The following TENM4 variants were observed in gnomAD, a reference collection of about 807,000 sequenced individuals.
The protein encoded by TENM4 is teneurin-4.
A neutral mutation model predicts 243.3 loss-of-function variants in TENM4; 82 were observed. The ratio of observed to expected loss-of-function variants is 0.34; its 90% CI spans 0.28 to 0.40. TENM4 has a LOEUF of 0.40. Among genes scored for constraint, TENM4 ranks in the 10% least tolerant of loss-of-function variants. The pLI, the probability that TENM4 is intolerant of heterozygous loss-of-function variation, is 1.00. For missense variants in TENM4, 3,138 were observed against 3,673.3 expected (o/e 0.85, Z 3.77); for synonymous variants, 1,412 against 1,456.3 (o/e 0.97, Z 0.69).
At chr11:79,416,830 TTCTA>T (rs1254929351) in intron 1 of TENM4, among the ~76,000 whole-genome samples, 1 of 152,096 alleles carries the variant, frequency 6.6e-6, no homozygotes, top group Non-Finnish European at 1.5e-5. Flanking sequence ...AGCTTGCGTC[TTCTA>T]TCTCAGGTAC....
In TENM4 at chr11:78,708,681, C is replaced by T. The variant is rs78610397; in HGVS notation, c.4055-166G>A. On this transcript the variant is annotated intron_variant, in intron 26 of 33. Coordinates refer to ENST00000278550, the MANE Select transcript of TENM4 (RefSeq NM_001098816.3). ...AGAGGAGGAGTCTCAGGCTCAGAGG[C>T]CTTGAGTGACTTGTTCAAAGCAGGG... Among the ~76,000 whole-genome samples, 1,208 of 152,252 alleles carry T rather than the reference C, an allele frequency of 7.9e-3. 13 individuals carry two copies. The highest frequency in any genetic ancestry group is 0.027 in the African/African-American group (1,135 of 41,550).
At chr11:79,111,370 C>A (rs1042454761) in intron 4 of TENM4, among the ~76,000 whole-genome samples, 1 of 151,992 alleles carries the variant, frequency 6.6e-6, no homozygotes, top group Non-Finnish European at 1.5e-5. Context: ...ACGGTGAAAC[C>A]GCATCTCTAC....
At chr11:78,770,907 C>T in intron 18 of TENM4, 85 bp downstream of exon 18, 1 of 1,504,628 alleles carries the variant, frequency 6.6e-7, no homozygotes, top group African/African-American at 1.4e-5. Flanking sequence ...GTGTTGGTGG[C>T]CTGTTAGCTC....
chr11:78,804,660 A>C (rs1857352257), intron 15 of TENM4, among the ~76,000 whole-genome samples: 1 of 152,216 alleles, frequency 6.6e-6, no homozygotes, highest in Admixed American at 6.5e-5. Context: ...GCCACAATCA[A>C]GAACACATTC....
At chr11:79,164,462 T>C (rs1591326456) in intron 3 of TENM4, among the ~76,000 whole-genome samples, 2 of 131,278 alleles carry the variant, frequency 1.5e-5, no homozygotes, top group South Asian at 2.6e-4. Flanking sequence ...ATATAGTATA[T>C]ATATAGTGTA....
intron 25 of TENM4, among the ~76,000 whole-genome samples, chr11:78,718,019 A>G (rs942822934): frequency 2.0e-5 from 3 of 152,224 alleles, no homozygotes; most frequent in African/African-American, 4.8e-5. Flanking sequence ...AAAGGCAGAC[A>G]TGAGTCTGCT....
chr11:79,226,650 C>T (rs1864271927), intron 2 of TENM4, among the ~76,000 whole-genome samples: 1 of 152,156 alleles, frequency 6.6e-6, no homozygotes, highest in East Asian at 1.9e-4. Context: ...AAGATCCTAG[C>T]TCTTCTCTGA....
intron 3 of TENM4, chr11:79,192,930 A>G (rs1227690900): frequency 6.6e-6 from 1 of 152,282 alleles, no homozygotes; most frequent in Non-Finnish European, 1.5e-5. Context: ...CTCTGTTCCC[A>G]GCAAGGTTGT....
In TENM4 at chr11:78,976,647, C is replaced by A. The variant is rs189967635; in HGVS notation, c.494-73124G>T. 3.3e-3 allele frequency among the ~76,000 whole-genome samples: 509 copies of A among 152,314 alleles called. 4 individuals are homozygous for A. The highest frequency in any genetic ancestry group is 0.013 in the South Asian group (64 of 4,834). On this transcript the variant is annotated intron_variant, in intron 6 of 33. Coordinates refer to ENST00000278550, the MANE Select transcript of TENM4 (RefSeq NM_001098816.3). ...AGTTCTAGAAATTCCTCTACTGTCA[C>A]TCCAAGAAATCTTGAAAATCGAGGA...
At chr11:79,087,867 G>A (rs1422598255) in intron 4 of TENM4, among the ~76,000 whole-genome samples, 5 of 152,224 alleles carry the variant, frequency 3.3e-5, no homozygotes, top group African/African-American at 1.2e-4. Flanking sequence ...ACAGCCTCCA[G>A]GCTGCACACG....
chr11:79,154,536 C>T (rs777895071), intron 3 of TENM4, among the ~76,000 whole-genome samples: 2 of 152,080 alleles, frequency 1.3e-5, no homozygotes, highest in Non-Finnish European at 2.9e-5. Context: ...TCTACTTTGT[C>T]CCCTGACCCC....
chr11:78,903,507 C>T lies in TENM4; in HGVS notation c.510G>A (p.Leu170=), dbSNP rs2136329320. ...ENTETDHPGG[L]QNHARLRTPP... ...GCGTCCGGAGCCGCGCGTGGTTCTG[C>T]AGGCCGCCCGGATGATCTAGGGCAC... is the stretch of plus-strand genomic sequence containing the variant. Residue 170 remains leucine, a synonymous_variant, in exon 7 of 34, where the codon CTG becomes CTA. Transcript: ENST00000278550. The T allele has an allele frequency of 3.9e-6, 6 of 1,547,266 alleles. No individual in the cohort carries two copies. In the South Asian group the frequency reaches 4.8e-5, roughly 12 times the overall value.
At chr11:79,434,626 G>A (rs1859233745) in intron 1 of TENM4, among the ~76,000 whole-genome samples, 1 of 152,228 alleles carries the variant, frequency 6.6e-6, no homozygotes, top group African/African-American at 2.4e-5. Flanking sequence ...CAGCAGAACA[G>A]CTCAAAATTA....
intron 6 of TENM4, among the ~76,000 whole-genome samples, chr11:78,958,495 G>A (rs1352967238): frequency 6.6e-6 from 1 of 152,208 alleles, no homozygotes; most frequent in Non-Finnish European, 1.5e-5. Context: ...CCTTGGGGAA[G>A]GATTAGGATT....
At chr11:78,866,093 A>G (rs1291159202) in intron 9 of TENM4, among the ~76,000 whole-genome samples, 5 of 152,212 alleles carry the variant, frequency 3.3e-5, no homozygotes, top group African/African-American at 1.2e-4. Context: ...TCTACCTCCT[A>G]TGTAGGTGAC....
In TENM4 at chr11:79,309,124, G is replaced by A. The variant is rs115380443; in HGVS notation, c.-320-11581C>T. On this transcript the variant is annotated intron_variant, in intron 1 of 33. Transcript: ENST00000278550. Reference sequence around the variant, plus strand: ...CCACTCACCACCAGTGGAGGATGGCGAGCCTAGTGTTAACAAATCTGACTT... The same window carrying A: ...CCACTCACCACCAGTGGAGGATGGCAAGCCTAGTGTTAACAAATCTGACTT... Among the ~76,000 whole-genome samples the A allele has an allele frequency of 4.6e-3, 700 of 152,254 alleles. 1 individual carries two copies. Among genetic ancestry groups the A allele is most frequent in the African/African-American group, 0.015 (643 of 41,524 alleles).
intron 32 of TENM4, among the ~76,000 whole-genome samples, chr11:78,663,918 C>T (rs919979894): frequency 1.6e-4 from 24 of 152,176 alleles, no homozygotes; most frequent in African/African-American, 5.1e-4. Context: ...GGGGCCCCCT[C>T]TCCCGAGTGT....
chr11:79,285,761 A>G (rs549769069), intron 2 of TENM4, among the ~76,000 whole-genome samples: 1 of 152,230 alleles, frequency 6.6e-6, no homozygotes, highest in South Asian at 2.1e-4. Context: ...AAAACCAAAA[A>G]AAAAACAGAC....
chr11:79,351,064 C>G (rs1857407723), intron 1 of TENM4, among the ~76,000 whole-genome samples: 1 of 152,104 alleles, frequency 6.6e-6, no homozygotes, highest in African/African-American at 2.4e-5. Flanking sequence ...AGTCATGGGC[C>G]TACCTCAAGG....
Sources: allele counts gnomAD v4.1 joint callset (sites outside exome capture counted in the v4.1 genomes callset), GRCh38; gene constraint gnomAD v4.1.1; transcripts MANE v1.5; gene names NCBI Gene and HGNC (gene_info 2026-07-23, HGNC 2026-07-21).